The following FCHO2 variants were observed in gnomAD, a reference collection of about 807,000 sequenced individuals.
FCHO2 encodes the protein FCH and mu domain containing endocytic adaptor 2.
A neutral mutation model predicts 114.1 loss-of-function variants in FCHO2; 43 were observed. The ratio of observed to expected loss-of-function variants is 0.38; its 90% CI spans 0.30 to 0.49. The LOEUF is 0.49. FCHO2 is among the 20% of genes least tolerant of loss of function. FCHO2 has a pLI of 0.97. For synonymous variants in FCHO2, 293 were observed against 315.2 expected (o/e 0.93, Z 0.75); for missense variants, 807 against 950.4 (o/e 0.85, Z 1.98).
At chr5:73,027,018 G>GTTTTTTTTTTTTTTTTTTTTT (rs1369730233) in intron 8 of FCHO2, among the ~76,000 whole-genome samples, 2 of 107,128 alleles carry the variant, frequency 1.9e-5, no homozygotes, top group African/African-American at 3.4e-5. Context: ...TTGTTTGTTT[G>GTTTTTTTTTTTTTTTTTTTTT]TTTTTTTTTT....
At chr5:72,982,853 A>G (rs1753292399) in intron 2 of FCHO2, among the ~76,000 whole-genome samples, 1 of 130,014 alleles carries the variant, frequency 7.7e-6, no homozygotes, top group African/African-American at 2.9e-5. Context: ...TTTTGCATAT[A>G]GGTGTCCAGT....
rs1451203135 is a variant in FCHO2, at chr5:73,089,505, A to G, written c.*1415A>G. 6.6e-6 allele frequency: 1 copy of G among 152,436 alleles called. No homozygotes were observed. Among genetic ancestry groups the G allele is most frequent in the Non-Finnish European group, 1.5e-5 (1 of 67,954 alleles). The allele number at this position is 152,436 out of a possible 1,614,324, so 9.4% of individuals were successfully genotyped here. A position where few individuals can be genotyped will look rare whatever the true frequency, so the allele number is the denominator to read the frequency against. On this transcript the variant is annotated 3_prime_UTR_variant, in exon 26 of 26. Coordinates refer to ENST00000430046, the MANE Select transcript of FCHO2 (RefSeq NM_138782.3). ...TATTTGGTTAAACATTTCTAAAAAT[A>G]AACTACCAATACTAAATAGTAAGAA... is the stretch of plus-strand genomic sequence containing the variant.
chr5:73,074,602 A>T, intron 19 of FCHO2, 140 bp from the exon 20 acceptor site: 3 of 701,874 alleles, frequency 4.3e-6, no homozygotes, highest in Non-Finnish European at 7.1e-6. Flanking sequence ...TATATTTCTT[A>T]GCCCCCAGAT....
chr5:73,055,555 A>T (rs746392809), intron 15 of FCHO2, among the ~76,000 whole-genome samples: 16 of 152,220 alleles, frequency 1.1e-4, no homozygotes, highest in Non-Finnish European at 2.1e-4. Flanking sequence ...TTACAAATCC[A>T]AAAGGTAGCA....
chr5:72,956,230 G>GA, intron 1 of FCHO2, 101 bp downstream of exon 1: 1 of 1,460,346 alleles, frequency 6.8e-7, no homozygotes, highest in Non-Finnish European at 9.2e-7. Flanking sequence ...GGCCCCTCCG[G>GA]CAGGGCGAGC....
chr5:72,975,096 C>G (rs1057091506), intron 2 of FCHO2, among the ~76,000 whole-genome samples: 2 of 152,166 alleles, frequency 1.3e-5, no homozygotes, highest in Non-Finnish European at 2.9e-5. Flanking sequence ...CCTAATCTCT[C>G]TGACTAGGTC....
intron 16 of FCHO2, among the ~76,000 whole-genome samples, 165 bp downstream of exon 16, chr5:73,056,272 C>T (rs564392361): frequency 1.3e-5 from 2 of 152,278 alleles, no homozygotes; most frequent in South Asian, 2.1e-4. Flanking sequence ...CAGAGTGGTA[C>T]ATTTGTTAGA....
intron 18 of FCHO2, among the ~76,000 whole-genome samples, chr5:73,067,014 T>C (rs1424597272): frequency 6.6e-6 from 1 of 152,056 alleles, no homozygotes; most frequent in Admixed American, 6.6e-5. Flanking sequence ...TATAAAAATA[T>C]TATTTTAACA....
chr5:72,965,717 A>G (rs887501753), intron 1 of FCHO2, among the ~76,000 whole-genome samples: 1 of 152,220 alleles, frequency 6.6e-6, no homozygotes, highest in African/African-American at 2.4e-5. Context: ...GGATTAGTAA[A>G]ATGTTTTTTG....
At chr5:73,041,483 C>T (rs1436318643) in intron 11 of FCHO2, among the ~76,000 whole-genome samples, 168 bp downstream of exon 11, 2 of 152,030 alleles carry the variant, frequency 1.3e-5, no homozygotes, top group Non-Finnish European at 2.9e-5. Flanking sequence ...TTTACATTGC[C>T]AGATGCTTTC....
intron 2 of FCHO2, among the ~76,000 whole-genome samples, chr5:72,972,963 G>C (rs1227896713): frequency 2.0e-5 from 3 of 152,344 alleles, no homozygotes; most frequent in South Asian, 2.1e-4. Flanking sequence ...AGATAATCAT[G>C]TGGTTTTTGT....
intron 8 of FCHO2, among the ~76,000 whole-genome samples, chr5:73,023,694 C>G (rs1024594541): frequency 6.7e-6 from 1 of 148,596 alleles, no homozygotes; most frequent in African/African-American, 2.4e-5. Flanking sequence ...GAGCGAAACT[C>G]CATCTCAAAA....
chr5:73,053,794 A>G (rs933024307), intron 13 of FCHO2, among the ~76,000 whole-genome samples: 3 of 152,162 alleles, frequency 2.0e-5, no homozygotes, highest in Admixed American at 1.3e-4. Context: ...TAAAATATGT[A>G]TGTTAAATAT....
Position 73,089,230 on chromosome 5 carries a change from T to G in FCHO2, c.*1140T>G, listed in dbSNP as rs1454350109. On this transcript the variant is annotated 3_prime_UTR_variant, in exon 26 of 26. Coordinates refer to ENST00000430046, the MANE Select transcript of FCHO2 (RefSeq NM_138782.3). The stretch of plus-strand genomic sequence containing the variant: ...AGTGCTAAATTGGTAACTGGTATTT[T>G]AACTCTCAATTTAGCATTTTCCTTG... 1 of 152,592 alleles carries G rather than the reference T, an allele frequency of 6.6e-6. No homozygotes were observed. Among genetic ancestry groups the G allele is most frequent in the Non-Finnish European group, 1.5e-5 (1 of 67,982 alleles). The allele number at this position is 152,592 out of a possible 1,614,324, so 9.5% of individuals were successfully genotyped here.
intron 5 of FCHO2, chr5:72,997,280 T>C: frequency 7.5e-7 from 1 of 1,338,562 alleles, no homozygotes; most frequent in South Asian, 1.2e-5. Flanking sequence ...CGTGAGCGAG[T>C]GGTGGGAGCT....
chr5:73,062,324 T>G (rs551868136), intron 17 of FCHO2, among the ~76,000 whole-genome samples: 1 of 152,250 alleles, frequency 6.6e-6, no homozygotes, highest in East Asian at 1.9e-4. Flanking sequence ...GAACTGAACT[T>G]AATACTTCTA....
chr5:73,048,479 A>G lies in FCHO2; in HGVS notation c.940-2870A>G, dbSNP rs200452121. 7.2e-5 allele frequency among the ~76,000 whole-genome samples: 11 copies of G among 152,272 alleles called. No homozygotes were observed. In the East Asian group the frequency reaches 2.1e-3, roughly 29 times the overall value. ...AATAAATAAAATAAAAATATTTTCA[A>G]TCTGCGGTTGGTTGAATACATGCAA... On this transcript the variant is annotated intron_variant, in intron 11 of 25. Transcript: ENST00000430046.
At chr5:72,979,378 C>CT (rs60234739) in intron 2 of FCHO2, among the ~76,000 whole-genome samples, 15,463 of 49,672 alleles carry the variant, frequency 0.31, 5,643 homozygotes, top group Non-Finnish European at 0.37. Flanking sequence ...TTATCAATTT[C>CT]TTTTTTTTTT....
intron 8 of FCHO2, among the ~76,000 whole-genome samples, chr5:73,024,737 T>C (rs1368647177): frequency 6.6e-6 from 1 of 152,156 alleles, no homozygotes. Flanking sequence ...GCCCGCGGCC[T>C]AGCAGTGAGA....
Sources: gnomAD v4.1 joint callset for allele counts (sites outside exome capture counted in the v4.1 genomes callset) on GRCh38, gnomAD v4.1.1 for gene constraint, MANE v1.5 for transcripts, NCBI Gene and HGNC (gene_info 2026-07-23, HGNC 2026-07-21) for gene names.